Variants in SCML1 observed in about 807,000 individuals in gnomAD.
SCML1 encodes sex comb on midleg-like protein 1.
For missense variants in SCML1, 137 were observed against 258.1 expected (o/e 0.53, Z 3.22); for synonymous variants, 104 against 103.6 (o/e 1.00, Z -0.02).
upstream of SCML1, chrX:17,737,468 C>T (rs964803005): frequency 2.4e-5 from 2 of 84,314 alleles, no homozygotes; most frequent in African/African-American, 4.5e-5. Context: ...TGTGGGAATT[C>T]GGCGTCGCGG....
chrX:17,753,191 A>G, intron 7 of SCML1, 67 bp from the exon 8 acceptor site: 1 of 952,220 alleles, frequency 1.1e-6, no homozygotes, highest in East Asian at 3.3e-5. Context: ...GTTCTCATAA[A>G]GAACTAACCA....
chrX:17,746,236 G>T (rs1404190317), intron 4 of SCML1, 138 bp downstream of exon 4: 2 of 352,639 alleles, frequency 5.7e-6, no homozygotes, highest in East Asian at 4.3e-5. Context: ...CCATTGTGAT[G>T]ATTTTTTAAA....
chrX:17,748,750 T>G (rs1334710736), intron 4 of SCML1, among the ~76,000 whole-genome samples: 1 of 112,225 alleles, frequency 8.9e-6, no homozygotes, highest in Non-Finnish European at 1.9e-5. Context: ...GGCCCTTTGC[T>G]TAAGTGTATT....
intron 4 of SCML1, among the ~76,000 whole-genome samples, chrX:17,748,854 T>G (rs1468967075): frequency 1.8e-5 from 2 of 112,400 alleles, no homozygotes; most frequent in Non-Finnish European, 3.7e-5. Flanking sequence ...AGATGTGTAC[T>G]TAACGGTTTT....
intron 1 of SCML1, among the ~76,000 whole-genome samples, chrX:17,741,180 G>T (rs1254930142): frequency 5.4e-5 from 6 of 111,654 alleles, no homozygotes; most frequent in Non-Finnish European, 1.1e-4. Context: ...GTGCTAGCGG[G>T]GTATAGTTTC....
intron 7 of SCML1, among the ~76,000 whole-genome samples, chrX:17,752,535 T>C (rs962649909): frequency 8.9e-6 from 1 of 112,686 alleles, no homozygotes; most frequent in Non-Finnish European, 1.9e-5. Context: ...GGTTGTACTA[T>C]AAGGGATTTC....
At chrX:17,747,910 G>C (rs1241481010) in intron 4 of SCML1, among the ~76,000 whole-genome samples, 1 of 111,667 alleles carries the variant, frequency 9.0e-6, no homozygotes, top group Non-Finnish European at 1.9e-5. Context: ...GCCAATAAGT[G>C]GCTGGACTGT....
chrX:17,737,575 G>A lies in SCML1; in HGVS notation c.-222G>A, dbSNP rs1273926814. ...TGCCAGGACCTTTCCGAAGCGTCGAGTGGCCTAACGGTCACAGCTGTCGCC... is the reference window on the plus strand; with the variant it reads ...TGCCAGGACCTTTCCGAAGCGTCGAATGGCCTAACGGTCACAGCTGTCGCC... On this transcript the variant is annotated 5_prime_UTR_variant, in exon 1 of 8. The change creates a new upstream start codon in the 5' untranslated region. Transcript: ENST00000380041. 1 of 110,821 alleles carries A rather than the reference G, an allele frequency of 9.0e-6. No homozygotes were observed. The highest frequency in any genetic ancestry group is 1.9e-5 in the Non-Finnish European group (1 of 52,776). The allele number at this position is 110,821 out of a possible 1,213,427, so 9.1% of individuals were successfully genotyped here.
At chrX:17,746,760 G>T (rs758359119) in intron 4 of SCML1, among the ~76,000 whole-genome samples, 4 of 111,979 alleles carry the variant, frequency 3.6e-5, no homozygotes, top group Non-Finnish European at 1.9e-5. Context: ...GGAAGTGGGT[G>T]CAGAGGCGAG....
Position 17,750,183 on chromosome X carries a change from C to G in SCML1, c.593C>G (p.Ser198Cys). ...SEHNCQPYYA[S>C]DGATYGSSSG... Reference sequence around the variant, plus strand: ...CATAATTGTCAGCCGTATTATGCATCTGATGGTGCAACGTATGGTTCTTCT... The same window carrying G: ...CATAATTGTCAGCCGTATTATGCATGTGATGGTGCAACGTATGGTTCTTCT... Residue 198 changes from serine to cysteine, a missense_variant, in exon 6 of 8, where the codon TCT becomes TGT. Coordinates refer to ENST00000380041, the MANE Select transcript of SCML1 (RefSeq NM_001037540.3). 8.3e-7 allele frequency: 1 copy of G among 1,211,965 alleles called. No homozygotes were observed. The highest frequency in any genetic ancestry group is 1.1e-6 in the Non-Finnish European group (1 of 895,387).
Position 17,750,143 on chromosome X carries a change from T to G in SCML1, c.553T>G (p.Ser185Ala), listed in dbSNP as rs1343381599. The change falls in exon 6 of 8, where the codon TCA becomes GCA. Residue 185 changes from serine to alanine, a missense_variant. By Grantham distance (99) the Ser-to-Ala change is moderately conservative. Coordinates refer to ENST00000380041, the MANE Select transcript of SCML1 (RefSeq NM_001037540.3). ...LSRTPSPVHP[S>A]DFSEHNCQPY... ...CCGCACTCCGAGTCCAGTGCATCCC[T>G]CAGATTTCTCTGAGCATAATTGTCA... is the stretch of plus-strand genomic sequence containing the variant. 8.3e-7 allele frequency: 1 copy of G among 1,210,522 alleles called. No individual in the cohort carries two copies. Among genetic ancestry groups the G allele is most frequent in the Non-Finnish European group, 1.1e-6 (1 of 895,359 alleles).
intron 1 of SCML1, among the ~76,000 whole-genome samples, chrX:17,740,823 A>G (rs1309126188): frequency 1.8e-5 from 2 of 112,508 alleles, no homozygotes; most frequent in Non-Finnish European, 3.8e-5. Flanking sequence ...ACAGGGTATT[A>G]TGGACGGAGG....
At chrX:17,745,608 G>T in intron 3 of SCML1, 69 bp downstream of exon 3, 3 of 585,309 alleles carry the variant, frequency 5.1e-6, no homozygotes, top group Non-Finnish European at 8.2e-6. Context: ...TAAATTCCTC[G>T]TATACTATGG....
chrX:17,752,050 A>G, intron 7 of SCML1, 84 bp downstream of exon 7: 1 of 979,838 alleles, frequency 1.0e-6, no homozygotes. Context: ...TACTGTGTGA[A>G]TGGTGGGAGA....
chrX:17,744,084 C>T lies in SCML1; in HGVS notation c.-103C>T. 1 of 673,717 alleles carries T rather than the reference C, an allele frequency of 1.5e-6. No homozygotes were observed. The highest frequency in any genetic ancestry group is 2.2e-5 in the African/African-American group (1 of 45,933). The allele number at this position is 673,717 out of a possible 1,213,427, so 55.5% of individuals were successfully genotyped here. Reference sequence around the variant, plus strand: ...GTTGCTTTTCAGGAGTAGAGGTTTACCACTCTTAGGTGACTAAGCAGTATC... The same window carrying T: ...GTTGCTTTTCAGGAGTAGAGGTTTATCACTCTTAGGTGACTAAGCAGTATC... On this transcript the variant is annotated 5_prime_UTR_variant, in exon 2 of 8. Transcript: ENST00000380041.
At position 17,749,988 on chromosome X, in the gene SCML1, AC is replaced by A; in HGVS notation, c.401del (p.Pro134LeufsTer113). 1 of 1,211,353 alleles carries A rather than the reference AC, an allele frequency of 8.3e-7. No individual in the cohort carries two copies. The highest frequency in any genetic ancestry group is 1.1e-6 in the Non-Finnish European group (1 of 895,111). On this transcript the variant is annotated frameshift_variant, in exon 6 of 8. Transcript: ENST00000380041. LOFTEE classifies it high-confidence loss of function. ...KKNEVYETFS[Y>X]PESYSPTLPV... The stretch of plus-strand genomic sequence containing the variant: ...AATGAGGTTTACGAGACATTCTCCT[AC>A]CCTGAAAGTTACAGCCCCACTTTAC...
intron 1 of SCML1, among the ~76,000 whole-genome samples, chrX:17,742,188 T>C (rs912490413): frequency 9.0e-6 from 1 of 111,557 alleles, no homozygotes; most frequent in Admixed American, 9.5e-5. Context: ...ATGTAAACTT[T>C]TTAGAGTATA....
chrX:17,746,874 G>A (rs2066647026), intron 4 of SCML1, among the ~76,000 whole-genome samples: 1 of 111,900 alleles, frequency 8.9e-6, no homozygotes, highest in Non-Finnish European at 1.9e-5. Context: ...GCATCTGTGG[G>A]GGGAGGTGTC....
chrX:17,741,808 C>A (rs1446578104), intron 1 of SCML1, among the ~76,000 whole-genome samples: 1 of 111,386 alleles, frequency 9.0e-6, no homozygotes, highest in Admixed American at 9.5e-5. Flanking sequence ...ACTATATTCC[C>A]TCCCTTGGAC....
Sources: allele counts gnomAD v4.1 joint callset (sites outside exome capture counted in the v4.1 genomes callset), GRCh38; gene constraint gnomAD v4.1.1; transcripts MANE v1.5; gene names NCBI Gene and HGNC (gene_info 2026-07-23, HGNC 2026-07-21).